Variants in TECRL observed in about 807,000 individuals in gnomAD.
The protein encoded by TECRL is trans-2,3-enoyl-CoA reductase-like.
A neutral mutation model predicts 52.8 loss-of-function variants in TECRL; 63 were observed. The observed-to-expected ratio is 1.19, with a 90% CI of 0.97 to 1.47. TECRL has a LOEUF of 1.47. Among genes scored for constraint, TECRL ranks in the 40% most tolerant of loss-of-function variants. The probability of loss-of-function intolerance (pLI) is 0.00; values close to 1 mark genes in which losing one functional copy is unlikely to be tolerated. For synonymous variants in TECRL, 164 were observed against 141.9 expected (o/e 1.16, Z -1.10); for missense variants, 482 against 429.6 (o/e 1.12, Z -1.08).
chr4:64,301,996 T>TA (rs1321519070), intron 7 of TECRL, among the ~76,000 whole-genome samples: 1 of 151,268 alleles, frequency 6.6e-6, no homozygotes, highest in African/African-American at 2.4e-5. Flanking sequence ...TTTAGATAGG[T>TA]AAAAATAACC....
intron 1 of TECRL, among the ~76,000 whole-genome samples, chr4:64,407,207 G>T (rs2109799572): frequency 6.6e-6 from 1 of 152,064 alleles, no homozygotes; most frequent in Admixed American, 6.6e-5. Context: ...GCTATCCAGT[G>T]TTAATCCTCT....
chr4:64,305,797 G>A (rs188359104), intron 6 of TECRL, among the ~76,000 whole-genome samples: 10 of 152,206 alleles, frequency 6.6e-5, no homozygotes, highest in African/African-American at 2.4e-4. Flanking sequence ...CACCCCCAGG[G>A]GGAATTTTAC....
intron 8 of TECRL, among the ~76,000 whole-genome samples, chr4:64,299,559 G>A (rs1723885057): frequency 6.6e-6 from 1 of 150,962 alleles, no homozygotes; most frequent in African/African-American, 2.4e-5. Context: ...TTTAGAAAGA[G>A]CCAGGTTTCA....
chr4:64,315,696 C>T (rs140873942), intron 4 of TECRL, among the ~76,000 whole-genome samples: 1,715 of 151,972 alleles, frequency 0.011, 29 homozygotes, highest in South Asian at 0.087. Flanking sequence ...GTTCACAGCT[C>T]TGTTGAGAAG....
At chr4:64,339,143 T>G (rs2110068818) in intron 2 of TECRL, among the ~76,000 whole-genome samples, 1 of 151,976 alleles carries the variant, frequency 6.6e-6, no homozygotes, top group Middle Eastern at 3.4e-3. Context: ...GGGACATGGA[T>G]GAAGCTGGAA....
downstream of TECRL, chr4:64,277,034 CTTAGGCAG>C (rs1722597031): frequency 6.7e-7 from 1 of 1,494,934 alleles, no homozygotes; most frequent in Admixed American, 2.0e-5. Flanking sequence ...CTTTTGATGT[CTTAGGCAG>C]TGAGACCACC....
intron 2 of TECRL, among the ~76,000 whole-genome samples, chr4:64,374,786 C>T (rs1471834609): frequency 6.6e-6 from 1 of 152,042 alleles, no homozygotes; most frequent in Non-Finnish European, 1.5e-5. Flanking sequence ...GTGTATGTGC[C>T]ACATTTTCTT....
chr4:64,338,964 C>T (rs1560511131), intron 2 of TECRL, among the ~76,000 whole-genome samples: 1 of 152,072 alleles, frequency 6.6e-6, no homozygotes, highest in Non-Finnish European at 1.5e-5. Flanking sequence ...AATCATGCTG[C>T]TATGAAGACA....
In TECRL at chr4:64,345,108, G is replaced by A. The variant is rs942034309; in HGVS notation, c.287-16552C>T. On this transcript the variant is annotated intron_variant, in intron 2 of 11. Coordinates refer to ENST00000381210, the MANE Select transcript of TECRL (RefSeq NM_001010874.5). ...ATAGGAACACTTTTACACTGTTGGT[G>A]GGACTGTAAACTAGTTCAACCATTG... Among the ~76,000 whole-genome samples, 3 of 152,248 alleles carry A rather than the reference G, an allele frequency of 2.0e-5. No homozygotes were observed. The East Asian group carries it at 5.8e-4, about 30-fold the overall frequency.
chr4:64,331,607 G>A lies in TECRL; in HGVS notation c.287-3051C>T, dbSNP rs373935978. Among the ~76,000 whole-genome samples, 45 of 152,172 alleles carry A rather than the reference G, an allele frequency of 3.0e-4. No individual in the cohort carries two copies. In the South Asian group the frequency reaches 8.3e-3, roughly 28 times the overall value. On this transcript the variant is annotated intron_variant, in intron 2 of 11. Coordinates refer to ENST00000381210, the MANE Select transcript of TECRL (RefSeq NM_001010874.5). ...CACCTAAATCACTTAAAGATGATTG[G>A]AAGATTTAAAATAAAGAATCAAAAA...
chr4:64,407,391 C>T (rs923123898), intron 1 of TECRL, among the ~76,000 whole-genome samples: 23 of 151,008 alleles, frequency 1.5e-4, no homozygotes, highest in African/African-American at 4.4e-4. Context: ...TTAATTAACA[C>T]GTAAAAATAT....
chr4:64,378,943 CTA>C (rs3045232), intron 1 of TECRL, among the ~76,000 whole-genome samples: 135,544 of 151,480 alleles, frequency 0.89, 61,349 homozygotes, highest in East Asian at 1. Context: ...TTAAGTAAAA[CTA>C]TATGTATATA....
chr4:64,361,527 G>A (rs1721196818), intron 2 of TECRL, among the ~76,000 whole-genome samples: 1 of 152,130 alleles, frequency 6.6e-6, no homozygotes, highest in Admixed American at 6.6e-5. Context: ...ACTTAACCTT[G>A]AGAGGTCAAA....
chr4:64,297,746 G>C (rs568546546), intron 8 of TECRL, among the ~76,000 whole-genome samples: 4 of 151,020 alleles, frequency 2.6e-5, no homozygotes, highest in Admixed American at 1.3e-4. Flanking sequence ...AGAATATTAT[G>C]CTTTCAATGA....
At chr4:64,409,037 T>G in intron 1 of TECRL, 81 bp downstream of exon 1, 1 of 1,251,934 alleles carries the variant, frequency 8.0e-7, no homozygotes, top group Non-Finnish European at 1.1e-6. Context: ...CGTGTTAGAA[T>G]TTAATCAAGC....
At chr4:64,277,320 T>C (rs1722607448), downstream of TECRL, among the ~76,000 whole-genome samples, 1 of 151,882 alleles carries the variant, frequency 6.6e-6, no homozygotes, top group Non-Finnish European at 1.5e-5. Context: ...CAGAAACTAT[T>C]CTTAGTCTTT....
chr4:64,344,167 A>G (rs188358233), intron 2 of TECRL, among the ~76,000 whole-genome samples: 2 of 151,910 alleles, frequency 1.3e-5, no homozygotes, highest in South Asian at 2.1e-4. Context: ...ATATATATAT[A>G]TACTCACACA....
chr4:64,324,175 A>C (rs73821108), intron 3 of TECRL, among the ~76,000 whole-genome samples: 31,976 of 152,058 alleles, frequency 0.21, 3,521 homozygotes, highest in East Asian at 0.3. Flanking sequence ...AATAACCATC[A>C]GACAAGTCTG....
chr4:64,302,175 T>C (rs2109979178), intron 7 of TECRL, among the ~76,000 whole-genome samples: 1 of 151,534 alleles, frequency 6.6e-6, no homozygotes, highest in East Asian at 1.9e-4. Context: ...TCAAGAAGTA[T>C]GGAAAATAAA....
Sources: allele counts gnomAD v4.1 joint callset (sites outside exome capture counted in the v4.1 genomes callset), GRCh38; gene constraint gnomAD v4.1.1; transcripts MANE v1.5; gene names NCBI Gene and HGNC (gene_info 2026-07-23, HGNC 2026-07-21).